SPTSSA: variants seen among roughly 807,000 people sequenced by gnomAD.
The protein encoded by SPTSSA is serine palmitoyltransferase small subunit A.
In SPTSSA, 8 loss-of-function variants were observed where a neutral mutation model predicts 9.1. The observed-to-expected ratio is 0.88, with a 90% CI of 0.51 to 1.58. The LOEUF is 1.58. Ranked by LOEUF, SPTSSA falls within the 40% of genes most tolerant of loss-of-function variation. The pLI is 0.00. For synonymous variants in SPTSSA, 42 were observed against 37.7 expected (o/e 1.11, Z -0.41); for missense variants, 100 against 93.8 (o/e 1.07, Z -0.27).
At chr14:34,458,509 T>A (rs1001037100) in intron 1 of SPTSSA, among the ~76,000 whole-genome samples, 2 of 150,120 alleles carry the variant, frequency 1.3e-5, no homozygotes, top group Admixed American at 6.7e-5. Flanking sequence ...TTTTATTTTT[T>A]TTTTTGAGAT....
chr14:34,441,303 A>C (rs1883312270), intron 1 of SPTSSA, among the ~76,000 whole-genome samples: 1 of 152,188 alleles, frequency 6.6e-6, no homozygotes, highest in Non-Finnish European at 1.5e-5. Context: ...CAGGCCAAGT[A>C]AACACTTTGT....
At chr14:34,443,134 G>GGGGTGTGTGTGT (rs1159531948) in intron 1 of SPTSSA, among the ~76,000 whole-genome samples, 1 of 36,982 alleles carries the variant, frequency 2.7e-5, no homozygotes, top group Non-Finnish European at 4.4e-5. Flanking sequence ...TGCTTCTAGG[G>GGGGTGTGTGTGT]GTGTGTGTGT....
chr14:34,452,195 A>G (rs1044937693), intron 1 of SPTSSA, among the ~76,000 whole-genome samples: 1 of 150,216 alleles, frequency 6.7e-6, no homozygotes, highest in Non-Finnish European at 1.5e-5. Flanking sequence ...GCAGTGAGCC[A>G]AGATCGCGCC....
rs1334298547 is a variant in SPTSSA at position 34,433,187 on chromosome 14, A to C, written c.*2014T>G. On this transcript the variant is annotated 3_prime_UTR_variant, in exon 2 of 2. Transcript: ENST00000298130. Reference sequence around the variant, plus strand: ...CCTGTAAGACCAAACTTTATCTTCCATATGTCTCACAGGTCAGTGTTCATA... The same window carrying C: ...CCTGTAAGACCAAACTTTATCTTCCCTATGTCTCACAGGTCAGTGTTCATA... 1 of 152,170 alleles carries C rather than the reference A, an allele frequency of 6.6e-6. No homozygotes were observed. Among genetic ancestry groups the C allele is most frequent in the Non-Finnish European group, 1.5e-5 (1 of 68,036 alleles). The allele number at this position is 152,170 out of a possible 1,614,324, so 9.4% of individuals were successfully genotyped here. A position where few individuals can be genotyped will look rare whatever the true frequency, so the allele number is the denominator to read the frequency against.
intron 1 of SPTSSA, among the ~76,000 whole-genome samples, chr14:34,449,235 AAAAC>A (rs1329226305): frequency 2.6e-5 from 4 of 151,994 alleles, no homozygotes; most frequent in South Asian, 2.1e-4. Context: ...CGTCTCTACA[AAAAC>A]AAACAATTAG....
intron 1 of SPTSSA, among the ~76,000 whole-genome samples, chr14:34,452,267 A>T (rs965543395): frequency 1.0e-4 from 15 of 148,638 alleles, no homozygotes; most frequent in African/African-American, 3.3e-4. Context: ...AAAAAAAAAG[A>T]AAGTTAATTT....
chr14:34,451,779 G>T (rs1230643640), intron 1 of SPTSSA, among the ~76,000 whole-genome samples: 1 of 149,972 alleles, frequency 6.7e-6, no homozygotes, highest in East Asian at 2.0e-4. Flanking sequence ...ATACTCAAGA[G>T]TTGTGATAAA....
intron 1 of SPTSSA, among the ~76,000 whole-genome samples, chr14:34,450,905 C>T (rs934132465): frequency 3.9e-5 from 6 of 151,926 alleles, no homozygotes; most frequent in Non-Finnish European, 5.9e-5. Context: ...GTTCCATGGA[C>T]ATAAAAGCAA....
intron 1 of SPTSSA, among the ~76,000 whole-genome samples, chr14:34,444,883 G>A (rs1203286062): frequency 6.6e-6 from 1 of 150,930 alleles, no homozygotes; most frequent in Non-Finnish European, 1.5e-5. Context: ...TCTGAGGTCA[G>A]GAGTTCGAGA....
chr14:34,448,841 A>T (rs981116109), intron 1 of SPTSSA, among the ~76,000 whole-genome samples: 1 of 150,636 alleles, frequency 6.6e-6, no homozygotes, highest in Non-Finnish European at 1.5e-5. Flanking sequence ...TTTACAAAAA[A>T]ATTAAAAAAT....
chr14:34,444,189 A>G (rs912965812), intron 1 of SPTSSA, among the ~76,000 whole-genome samples: 2 of 152,250 alleles, frequency 1.3e-5, no homozygotes, highest in Admixed American at 6.5e-5. Context: ...GACTTTAGCA[A>G]TCTTTGGGAA....
At position 34,435,192 on chromosome 14, in the gene SPTSSA, G is replaced by A. The variant is rs763730274; in HGVS notation, c.*9C>T. 74 of 1,607,062 alleles carry A rather than the reference G, an allele frequency of 4.6e-5. No individual in the cohort carries two copies. In the South Asian group the frequency reaches 4.6e-4, roughly 10 times the overall value. On this transcript the variant is annotated 3_prime_UTR_variant, in exon 2 of 2. Transcript: ENST00000298130. Reference sequence around the variant, plus strand: ...CCCCAAGGAACCTCTGATCCTGGTCGCATCTTGGTCATTGTACGATTTCAA... The same window carrying A: ...CCCCAAGGAACCTCTGATCCTGGTCACATCTTGGTCATTGTACGATTTCAA...
intron 1 of SPTSSA, among the ~76,000 whole-genome samples, chr14:34,437,314 C>T (rs1883255844): frequency 6.6e-6 from 1 of 152,170 alleles, no homozygotes; most frequent in Non-Finnish European, 1.5e-5. Context: ...TTTCTAAGGC[C>T]CTCTTTTAAT....
intron 1 of SPTSSA, among the ~76,000 whole-genome samples, chr14:34,452,539 A>G (rs1883548007): frequency 6.6e-6 from 1 of 152,222 alleles, no homozygotes; most frequent in Admixed American, 6.5e-5. Flanking sequence ...CTACAACTTG[A>G]TGACAAGCTC....
intron 1 of SPTSSA, among the ~76,000 whole-genome samples, chr14:34,456,284 T>G (rs188038714): frequency 5.9e-5 from 9 of 152,080 alleles, no homozygotes; most frequent in Admixed American, 2.6e-4. Context: ...ATCGCGTCAT[T>G]GCACTCCAGC....
intron 1 of SPTSSA, among the ~76,000 whole-genome samples, chr14:34,452,348 T>C (rs1224745857): frequency 2.0e-5 from 3 of 152,138 alleles, no homozygotes; most frequent in Non-Finnish European, 4.4e-5. Context: ...GAAAATATTA[T>C]ACTGTCACAA....
At chr14:34,445,130 C>T (rs531745017) in intron 1 of SPTSSA, among the ~76,000 whole-genome samples, 112 of 152,010 alleles carry the variant, frequency 7.4e-4, no homozygotes, top group Non-Finnish European at 1.1e-3. Flanking sequence ...CAGTTTTACA[C>T]GCAAGGTGTC....
chr14:34,455,130 G>A (rs958894053), intron 1 of SPTSSA, among the ~76,000 whole-genome samples: 1 of 151,872 alleles, frequency 6.6e-6, no homozygotes, highest in Non-Finnish European at 1.5e-5. Flanking sequence ...GCTCACACCT[G>A]TAATCCCAGC....
At chr14:34,442,955 G>GTGTGTGTGTGTGTGTGT (rs1566422692) in intron 1 of SPTSSA, among the ~76,000 whole-genome samples, 1 of 124,118 alleles carries the variant, frequency 8.1e-6, no homozygotes, top group African/African-American at 3.2e-5. Flanking sequence ...TGTCTAGGGG[G>GTGTGTGTGTGTGTGTGT]GTGTGTGTGT....
Sources: gnomAD v4.1 joint callset for allele counts (sites outside exome capture counted in the v4.1 genomes callset) on GRCh38, gnomAD v4.1.1 for gene constraint, MANE v1.5 for transcripts, NCBI Gene and HGNC (gene_info 2026-07-23, HGNC 2026-07-21) for gene names.